The following GGT7 variants were observed in gnomAD, a reference collection of about 807,000 sequenced individuals.
GGT7 encodes glutathione hydrolase 7.
GGT7 carries 30 observed loss-of-function variants against 69.2 expected under a neutral mutation model. That is an observed-to-expected ratio of 0.43 (90% CI 0.32 to 0.59). GGT7 has a LOEUF of 0.59. Among genes scored for constraint, GGT7 ranks in the 20% least tolerant of loss-of-function variants. GGT7 has a pLI of 0.05. For synonymous variants in GGT7, 388 were observed against 391.8 expected (o/e 0.99, Z 0.12); for missense variants, 733 against 901.1 (o/e 0.81, Z 2.39).
At position 34,852,215 on chromosome 20, in the gene GGT7, G is replaced by A. The variant is rs758829060; in HGVS notation, c.1527C>T (p.Asn509=). The A allele has an allele frequency of 8.1e-6, 13 of 1,613,956 alleles. No individual in the cohort carries two copies. Among genetic ancestry groups the A allele is most frequent in the Admixed American group, 3.3e-5 (2 of 60,012 alleles). Residue 509 remains asparagine, a synonymous_variant, in exon 12 of 15, where the codon AAC becomes AAT. Transcript: ENST00000336431. ...GCCAGGAGAAGTCCAGCATCTGGCT[G>A]TTGAGCAGGATCCCCGAGGGGGTGA... is the stretch of plus-strand genomic sequence containing the variant. ...GLITPSGILL[N]SQMLDFSWPN...
chr20:34,865,315 G>A (rs576674816), intron 1 of GGT7, among the ~76,000 whole-genome samples: 5 of 152,080 alleles, frequency 3.3e-5, no homozygotes, highest in Non-Finnish European at 7.4e-5. Flanking sequence ...TCAGCTTCCT[G>A]AGTAGTTGAG....
intron 7 of GGT7, among the ~76,000 whole-genome samples, chr20:34,857,780 G>A (rs1445521867): frequency 6.6e-6 from 1 of 151,924 alleles, no homozygotes; most frequent in African/African-American, 2.4e-5. Flanking sequence ...CACCACACCT[G>A]GCTAATGTTT....
intron 5 of GGT7, 74 bp from the exon 6 acceptor site, chr20:34,860,116 C>T: frequency 1.0e-6 from 1 of 964,656 alleles, no homozygotes; most frequent in Non-Finnish European, 1.7e-6. Context: ...AGGGGGGTTC[C>T]TGGGAAGGAG....
At chr20:34,861,394 G>A in intron 4 of GGT7, 51 bp downstream of exon 4, 2 of 828,728 alleles carry the variant, frequency 2.4e-6, no homozygotes, top group East Asian at 2.8e-5. Context: ...TTAGCAGAAG[G>A]GCAATGAAGA....
At chr20:34,856,103 T>C (rs1357439216) in intron 8 of GGT7, among the ~76,000 whole-genome samples, 1 of 152,208 alleles carries the variant, frequency 6.6e-6, no homozygotes, top group Non-Finnish European at 1.5e-5. Flanking sequence ...GATAGGCTCT[T>C]TCCATTGCTT....
intron 8 of GGT7, among the ~76,000 whole-genome samples, chr20:34,855,230 A>C (rs927036771): frequency 6.6e-6 from 1 of 152,200 alleles, no homozygotes; most frequent in African/African-American, 2.4e-5. Context: ...AGCACAGCAG[A>C]AACAGGTGAC....
chr20:34,860,333 G>A lies in GGT7; in HGVS notation c.676-12C>T, dbSNP rs756418112. 38 of 1,609,052 alleles carry A rather than the reference G, an allele frequency of 2.4e-5. No homozygotes were observed. In the Admixed American group the frequency reaches 3.3e-4, roughly 14 times the overall value. On this transcript the variant is annotated splice_polypyrimidine_tract_variant and intron_variant, in intron 4 of 14. Coordinates refer to ENST00000336431, the MANE Select transcript of GGT7 (RefSeq NM_178026.3). ...ACCAAGAGCCCAGGCTGGGCAAGGC[G>A]GGTAGGCGAGGGAGAGAGGAGACCA...
At chr20:34,858,976 G>A (rs2079537920) in intron 7 of GGT7, among the ~76,000 whole-genome samples, 1 of 152,164 alleles carries the variant, frequency 6.6e-6, no homozygotes, top group Admixed American at 6.5e-5. Flanking sequence ...TTCGAGACCA[G>A]CCTGGCCAAC....
chr20:34,863,556 C>G lies in GGT7; in HGVS notation c.170-8G>C. 6.4e-7 allele frequency: 1 copy of G among 1,552,608 alleles called. No individual in the cohort carries two copies. Among genetic ancestry groups the G allele is most frequent in the Non-Finnish European group, 8.7e-7 (1 of 1,145,264 alleles). ...TCAGGAAGGAGTCCGGGTCTGCGGG[C>G]AGGCAGCCGGGGTCGGTCTGGGCAT... On this transcript the variant is annotated splice_region_variant and splice_polypyrimidine_tract_variant and intron_variant, in intron 1 of 14. Transcript: ENST00000336431. The surrounding 1 kb of genome is among the most constrained non-coding windows in gnomAD (Gnocchi z 4.4).
At chr20:34,851,811 A>G (rs1311021258) in intron 12 of GGT7, among the ~76,000 whole-genome samples, 1 of 152,222 alleles carries the variant, frequency 6.6e-6, no homozygotes, top group South Asian at 2.1e-4. Flanking sequence ...GCTGAGCCCC[A>G]TCAGCTCAAG....
At position 34,863,637 on chromosome 20, in the gene GGT7, C is replaced by T. The variant is rs1040109707; in HGVS notation, c.170-89G>A. The T allele has an allele frequency of 2.4e-6, 2 of 850,854 alleles. No individual in the cohort carries two copies. The highest frequency in any genetic ancestry group is 3.9e-6 in the Non-Finnish European group (2 of 507,624). 52.7% of individuals were successfully genotyped at this position (850,854 alleles called of 1,614,324 possible). On this transcript the variant is annotated intron_variant, in intron 1 of 14. Coordinates refer to ENST00000336431, the MANE Select transcript of GGT7 (RefSeq NM_178026.3). This position sits in a 1 kb window ranked among gnomAD's most constrained non-coding sequence, Gnocchi z 4.4. ...GGGACTATTCAGCGCTTTCCCTGCCCCGCCCCTGCCACACAATCCCCGCAC... is the reference window on the plus strand; with the variant it reads ...GGGACTATTCAGCGCTTTCCCTGCCTCGCCCCTGCCACACAATCCCCGCAC...
rs76163454 is a variant in GGT7 at position 34,863,903 on chromosome 20, G to A, written c.170-355C>T. Among the ~76,000 whole-genome samples the A allele has an allele frequency of 0.06, 9,072 of 152,242 alleles. 307 individuals are homozygous for A. The highest frequency in any genetic ancestry group is 0.081 in the East Asian group (418 of 5,180). The stretch of plus-strand genomic sequence containing the variant: ...GGAAATCGGATCCTGCCCCAGTTGG[G>A]GCCCAGCCTTCCATGCAAGGAGGCA... On this transcript the variant is annotated intron_variant, in intron 1 of 14. Transcript: ENST00000336431. The surrounding 1 kb of genome is among the most constrained non-coding windows in gnomAD (Gnocchi z 4.4).
chr20:34,870,497 G>A (rs543844176), intron 1 of GGT7, among the ~76,000 whole-genome samples: 1 of 152,194 alleles, frequency 6.6e-6, no homozygotes, highest in Non-Finnish European at 1.5e-5. Context: ...GTTGTTGTTT[G>A]TTTGTTTTTT....
intron 7 of GGT7, 107 bp downstream of exon 7, chr20:34,859,336 T>TAGAA: frequency 1.3e-6 from 1 of 753,498 alleles, no homozygotes; most frequent in Non-Finnish European, 2.1e-6. Context: ...GTAAATAATA[T>TAGAA]AGAAAGAAAG....
chr20:34,865,488 C>A (rs1213834055), intron 1 of GGT7, among the ~76,000 whole-genome samples: 1 of 152,220 alleles, frequency 6.6e-6, no homozygotes, highest in Non-Finnish European at 1.5e-5. Flanking sequence ...CTGCGCCCGG[C>A]CTGTTTTGTG....
chr20:34,863,062 G>C lies in GGT7; in HGVS notation c.406-97C>G, dbSNP rs767820502. ...TAGAACTCTACGCGGCATGAAGGTC[G>C]AAGCCCTGCCCCCTTGTTGCCTTGA... On this transcript the variant is annotated intron_variant, in intron 2 of 14. Transcript: ENST00000336431. This position sits in a 1 kb window ranked among gnomAD's most constrained non-coding sequence, Gnocchi z 4.4. 1.2e-4 allele frequency: 151 copies of C among 1,229,414 alleles called. No individual in the cohort carries two copies. Among genetic ancestry groups the C allele is most frequent in the Non-Finnish European group, 1.7e-4 (150 of 877,512 alleles). The allele number at this position is 1,229,414 out of a possible 1,614,324, so 76.2% of individuals were successfully genotyped here. A position where few individuals can be genotyped will look rare whatever the true frequency, so the allele number is the denominator to read the frequency against.
chr20:34,864,539 G>A (rs1020206399), intron 1 of GGT7, among the ~76,000 whole-genome samples: 3 of 151,906 alleles, frequency 2.0e-5, no homozygotes, highest in African/African-American at 7.3e-5. Context: ...TGGCCAACAT[G>A]GTGAAACCCC....
At position 34,872,696 on chromosome 20, in the gene GGT7, C is replaced by G; in HGVS notation, c.120G>C (p.Pro40=). 6 of 1,479,892 alleles carry G rather than the reference C, an allele frequency of 4.1e-6. No homozygotes were observed. Among genetic ancestry groups the G allele is most frequent in the Non-Finnish European group, 5.4e-6 (6 of 1,119,908 alleles). The allele number at this position is 1,479,892 out of a possible 1,614,324, so 91.7% of individuals were successfully genotyped here. ...CGTCCTCGTCCTTGCGGCCCCTCAG[C>G]GGGGCCGCGGGCGCCGGCTCGTCCT... ...LPEDEPAPAA[P]LRGRKDEDAF... The change falls in exon 1 of 15, where the codon CCG becomes CCC. Residue 40 remains proline, a synonymous_variant. Coordinates refer to ENST00000336431, the MANE Select transcript of GGT7 (RefSeq NM_178026.3).
intron 13 of GGT7, 30 bp from the exon 14 acceptor site, chr20:34,850,090 G>A: frequency 7.0e-7 from 1 of 1,435,438 alleles, no homozygotes. Flanking sequence ...GAAAAATCAG[G>A]GCTGTCCCAG....
Sources: gnomAD v4.1 joint callset for allele counts (sites outside exome capture counted in the v4.1 genomes callset) on GRCh38, gnomAD v4.1.1 for gene constraint, Gnocchi (gnomAD v3.1) non-coding constraint, MANE v1.5 for transcripts, NCBI Gene and HGNC (gene_info 2026-07-23, HGNC 2026-07-21) for gene names.